Variants in CSMD1 observed in about 807,000 individuals in gnomAD.
CSMD1 encodes CUB and Sushi multiple domains 1.
Under a neutral mutation model 417.5 loss-of-function variants are expected in CSMD1, and 213 were observed. That is an observed-to-expected ratio of 0.51 (90% CI 0.46 to 0.57). The LOEUF is 0.57. Ranked by LOEUF, CSMD1 falls within the 20% of genes least tolerant of loss-of-function variation. CSMD1 has a pLI of 0.00. For missense variants in CSMD1, 6,923 were observed against 4,529.7 expected (o/e 1.53, Z -15.17); for synonymous variants, 2,862 against 1,736.8 (o/e 1.65, Z -16.11).
chr8:4,592,185 A>T lies in CSMD1; in HGVS notation c.302+45157T>A, dbSNP rs369468308. ...GGCATAAATAATACTCTCAGGGTAG[A>T]TTTCATGCTCCCAACAAGAATCTTC... On this transcript the variant is annotated intron_variant, in intron 2 of 69. Coordinates refer to ENST00000635120, the MANE Select transcript of CSMD1 (RefSeq NM_033225.6). 4.0e-5 allele frequency among the ~76,000 whole-genome samples: 6 copies of T among 151,442 alleles called. No homozygotes were observed. The South Asian group carries it at 8.4e-4, about 21-fold the overall frequency.
chr8:4,399,650 A>T (rs1308774597), intron 3 of CSMD1, among the ~76,000 whole-genome samples: 4 of 152,100 alleles, frequency 2.6e-5, no homozygotes, highest in Non-Finnish European at 5.9e-5. Context: ...AATTTCAATC[A>T]GCACATATTG....
At chr8:4,102,931 T>A (rs1400487886) in intron 3 of CSMD1, among the ~76,000 whole-genome samples, 1 of 152,116 alleles carries the variant, frequency 6.6e-6, no homozygotes, top group Non-Finnish European at 1.5e-5. Flanking sequence ...CACATTTACT[T>A]TAAAAATAAG....
At chr8:2,992,015 T>A (rs1480524525) in intron 54 of CSMD1, among the ~76,000 whole-genome samples, 3 of 152,352 alleles carry the variant, frequency 2.0e-5, no homozygotes, top group South Asian at 4.1e-4. Flanking sequence ...ATATTCCATA[T>A]GAGAAACAAC....
intron 3 of CSMD1, among the ~76,000 whole-genome samples, chr8:4,115,623 C>G (rs935011354): frequency 1.3e-5 from 2 of 152,084 alleles, no homozygotes; most frequent in Non-Finnish European, 2.9e-5. Flanking sequence ...GATCAAACTC[C>G]ACACTTACCT....
chr8:3,819,142 C>T (rs746148715), intron 5 of CSMD1, among the ~76,000 whole-genome samples: 19 of 152,164 alleles, frequency 1.2e-4, no homozygotes, highest in African/African-American at 2.6e-4. Context: ...GTCTAGCAGG[C>T]GGAAAGGAAT....
chr8:4,653,486 A>T (rs1437206658), intron 1 of CSMD1, among the ~76,000 whole-genome samples: 1 of 152,124 alleles, frequency 6.6e-6, no homozygotes, highest in Non-Finnish European at 1.5e-5. Flanking sequence ...CAAATAAAGG[A>T]AAGACTTACA....
intron 3 of CSMD1, among the ~76,000 whole-genome samples, chr8:4,050,292 G>C (rs926546838): frequency 2.0e-5 from 3 of 152,102 alleles, no homozygotes; most frequent in Admixed American, 6.6e-5. Context: ...GAGGAACTAT[G>C]AGCAGCAGAA....
rs1432771756 is a variant in CSMD1 at position 4,877,473 on chromosome 8, C to T, written c.85+116859G>A. Among the ~76,000 whole-genome samples, 4 of 152,162 alleles carry T rather than the reference C, an allele frequency of 2.6e-5. No homozygotes were observed. In the East Asian group the frequency reaches 7.7e-4, roughly 29 times the overall value. ...ACCAGATGTTATAAAGTCATATTTG[C>T]TATTTCAAAGTAGCTCCTAAAATCT... On this transcript the variant is annotated intron_variant, in intron 1 of 69. Transcript: ENST00000635120.
At chr8:4,041,412 C>G (rs1365424342) in intron 3 of CSMD1, among the ~76,000 whole-genome samples, 6 of 152,174 alleles carry the variant, frequency 3.9e-5, no homozygotes, top group African/African-American at 1.2e-4. Context: ...AAGCTTACTA[C>G]TACGAAAAAA....
chr8:3,670,227 T>C (rs1585047867), intron 7 of CSMD1, among the ~76,000 whole-genome samples: 1 of 151,874 alleles, frequency 6.6e-6, no homozygotes, highest in Non-Finnish European at 1.5e-5. Flanking sequence ...TGCCAGAGAA[T>C]ACAAAGCAGG....
intron 3 of CSMD1, among the ~76,000 whole-genome samples, chr8:4,336,618 G>A (rs77783348): frequency 0.022 from 3,361 of 152,252 alleles, 43 homozygotes; most frequent in Middle Eastern, 0.034. Context: ...CATTTGTTGT[G>A]TTGCACAAAT....
At chr8:3,221,094 C>T (rs549778851) in intron 28 of CSMD1, among the ~76,000 whole-genome samples, 2 of 152,124 alleles carry the variant, frequency 1.3e-5, no homozygotes, top group South Asian at 2.1e-4. Flanking sequence ...TCTGGAGATT[C>T]GGATGATAAA....
chr8:3,534,318 C>T (rs1798101987), intron 10 of CSMD1, among the ~76,000 whole-genome samples: 1 of 151,992 alleles, frequency 6.6e-6, no homozygotes, highest in Non-Finnish European at 1.5e-5. Context: ...TTGATGTAAG[C>T]TCCTTGGAGA....
intron 3 of CSMD1, among the ~76,000 whole-genome samples, chr8:4,358,569 T>C (rs748493298): frequency 2.1e-4 from 32 of 152,206 alleles, no homozygotes; most frequent in Non-Finnish European, 4.3e-4. Flanking sequence ...ATATTTACTA[T>C]CTGGCCATTT....
chr8:4,709,255 T>G (rs1584977410), intron 1 of CSMD1, among the ~76,000 whole-genome samples: 1 of 151,602 alleles, frequency 6.6e-6, no homozygotes. Context: ...GTGTGGGGAG[T>G]AGAGTTAAAA....
At chr8:3,027,816 C>T (rs548340373) in intron 51 of CSMD1, among the ~76,000 whole-genome samples, 5 of 152,338 alleles carry the variant, frequency 3.3e-5, no homozygotes, top group Non-Finnish European at 7.3e-5. Flanking sequence ...GCAGAAACAC[C>T]GTTCAAGGAC....
rs968362842 is a variant in CSMD1, at chr8:3,623,269, G to A, written c.1010-6472C>T. On this transcript the variant is annotated intron_variant, in intron 7 of 69. Coordinates refer to ENST00000635120, the MANE Select transcript of CSMD1 (RefSeq NM_033225.6). ...CTGCACAAAACCTTGTGACTCTGCA[G>A]GGCAGTAAAGAAAATTCTTCTTCAT... 3.3e-5 allele frequency among the ~76,000 whole-genome samples: 5 copies of A among 152,296 alleles called. No individual in the cohort carries two copies. The South Asian group carries it at 6.2e-4, about 19-fold the overall frequency.
intron 6 of CSMD1, among the ~76,000 whole-genome samples, chr8:3,751,029 AG>A (rs1208573248): frequency 6.6e-6 from 1 of 152,044 alleles, no homozygotes; most frequent in Non-Finnish European, 1.5e-5. Context: ...GGTGGTGTCT[AG>A]TACTGAACCT....
chr8:4,240,579 T>C (rs1802339066), intron 3 of CSMD1, among the ~76,000 whole-genome samples: 1 of 152,184 alleles, frequency 6.6e-6, no homozygotes, highest in African/African-American at 2.4e-5. Context: ...TATTTTATCT[T>C]TTAGCTCAAA....
Sources: allele counts gnomAD v4.1 joint callset (sites outside exome capture counted in the v4.1 genomes callset), GRCh38; gene constraint gnomAD v4.1.1; transcripts MANE v1.5; gene names NCBI Gene and HGNC (gene_info 2026-07-23, HGNC 2026-07-21).